Variants in STK31 observed in about 807,000 individuals in gnomAD.
STK31 encodes serine/threonine kinase 31.
STK31 carries 89 observed loss-of-function variants against 129.7 expected under a neutral mutation model. That is an observed-to-expected ratio of 0.69 (90% CI 0.58 to 0.82). STK31 has a LOEUF of 0.82. Ranked by LOEUF, STK31 falls within the 40% of genes least tolerant of loss-of-function variation. The pLI is 0.00. For synonymous variants in STK31, 448 were observed against 395.3 expected (o/e 1.13, Z -1.58); for missense variants, 1,187 against 1,176.4 (o/e 1.01, Z -0.13).
intron 22 of STK31, among the ~76,000 whole-genome samples, chr7:23,808,732 A>G (rs1025366961): frequency 9.9e-5 from 15 of 152,070 alleles, no homozygotes; most frequent in African/African-American, 3.6e-4. Flanking sequence ...GAGGAAGCAA[A>G]GGGATGACTT....
intron 8 of STK31, among the ~76,000 whole-genome samples, chr7:23,744,434 TC>T (rs1261122140): frequency 6.7e-6 from 1 of 150,012 alleles, no homozygotes. Context: ...GGATTTTTCA[TC>T]TGGAATTTCA....
rs543229580 is a variant in STK31, at chr7:23,827,942, C to T, written c.2830-4194C>T. Among the ~76,000 whole-genome samples the T allele has an allele frequency of 9.2e-5, 14 of 152,302 alleles. No homozygotes were observed. The East Asian group carries it at 1.4e-3, about 15-fold the overall frequency. On this transcript the variant is annotated intron_variant, in intron 23 of 23. Coordinates refer to ENST00000355870, the MANE Select transcript of STK31 (RefSeq NM_031414.5). ...TGAACCACAAATGCTGCTGCCTGATCGTTCCTCTGGGAGTTTTGTCTCAGA... is the reference window on the plus strand; with the variant it reads ...TGAACCACAAATGCTGCTGCCTGATTGTTCCTCTGGGAGTTTTGTCTCAGA...
intron 8 of STK31, among the ~76,000 whole-genome samples, chr7:23,747,715 G>T (rs1044683504): frequency 2.0e-5 from 3 of 152,188 alleles, no homozygotes; most frequent in East Asian, 1.9e-4. Flanking sequence ...GTCTTTCAAA[G>T]AATTAGTTCA....
chr7:23,771,308 T>A (rs550120307), intron 14 of STK31, 184 bp downstream of exon 14: 23 of 479,882 alleles, frequency 4.8e-5, no homozygotes, highest in African/African-American at 4.3e-4. Context: ...TTTTAAATAT[T>A]TTATTATGTC....
At chr7:23,723,697 GAGA>G (rs781601562) in intron 4 of STK31, among the ~76,000 whole-genome samples, 157 of 152,226 alleles carry the variant, frequency 1.0e-3, no homozygotes, top group South Asian at 1.9e-3. Flanking sequence ...GTTGTGGGAG[GAGA>G]AGATTGGGCC....
At chr7:23,727,882 A>C (rs1409013630) in intron 5 of STK31, among the ~76,000 whole-genome samples, 1 of 151,812 alleles carries the variant, frequency 6.6e-6, no homozygotes, top group Non-Finnish European at 1.5e-5. Context: ...TAATAATTAT[A>C]TTTGGTTCTT....
intron 23 of STK31, among the ~76,000 whole-genome samples, chr7:23,825,145 A>G (rs1042016198): frequency 2.1e-4 from 32 of 151,992 alleles, no homozygotes; most frequent in South Asian, 6.2e-4. Flanking sequence ...CTCTTTTTCT[A>G]TTGATTGGAA....
At chr7:23,788,269 T>A in intron 21 of STK31, 140 bp downstream of exon 21, 1 of 701,784 alleles carries the variant, frequency 1.4e-6, no homozygotes, top group Non-Finnish European at 2.0e-6. Context: ...TATAAGCAAC[T>A]ATTTGCCCTC....
chr7:23,804,363 G>GT (rs1416128386), intron 22 of STK31, among the ~76,000 whole-genome samples: 8 of 152,124 alleles, frequency 5.3e-5, no homozygotes, highest in African/African-American at 1.4e-4. Flanking sequence ...CTTTTTGGGA[G>GT]TAGCTTATCT....
chr7:23,806,617 T>A (rs1324785056), intron 22 of STK31, among the ~76,000 whole-genome samples: 2 of 152,040 alleles, frequency 1.3e-5, no homozygotes, highest in Non-Finnish European at 1.5e-5. Context: ...AGATACAGGT[T>A]GGGCCGGGCG....
At chr7:23,809,981 C>T (rs79041262) in intron 22 of STK31, among the ~76,000 whole-genome samples, 19,495 of 152,180 alleles carry the variant, frequency 0.13, 1,242 homozygotes, top group East Asian at 0.22. Context: ...TTAAACAGCA[C>T]GACTGTTGTT....
intron 23 of STK31, among the ~76,000 whole-genome samples, chr7:23,828,738 C>T (rs535881686): frequency 6.6e-6 from 1 of 152,256 alleles, no homozygotes; most frequent in East Asian, 1.9e-4. Context: ...CTTGGCTCCA[C>T]CCCCTGACTT....
At chr7:23,724,062 G>T (rs1290747856) in intron 4 of STK31, among the ~76,000 whole-genome samples, 2 of 152,148 alleles carry the variant, frequency 1.3e-5, no homozygotes, top group Non-Finnish European at 2.9e-5. Context: ...ATCAAAAGAA[G>T]CAAATGGTTA....
At chr7:23,795,761 T>A (rs1791913312) in intron 22 of STK31, among the ~76,000 whole-genome samples, 1 of 152,164 alleles carries the variant, frequency 6.6e-6, no homozygotes, top group Non-Finnish European at 1.5e-5. Context: ...TCAAAGGAGA[T>A]CATTTTGGAG....
chr7:23,723,647 C>T lies in STK31; in HGVS notation c.250-3594C>T, dbSNP rs1011358176. 3.2e-4 allele frequency among the ~76,000 whole-genome samples: 48 copies of T among 152,188 alleles called. 1 individual carries two copies. Among genetic ancestry groups the T allele is most frequent in the African/African-American group, 1.1e-3 (47 of 41,446 alleles). The stretch of plus-strand genomic sequence containing the variant: ...TAGTGATCTAAATGGTTCTCTCCCT[C>T]TGCCACCATGTAGAAGGGTCATAGG... On this transcript the variant is annotated intron_variant, in intron 4 of 23. Coordinates refer to ENST00000355870, the MANE Select transcript of STK31 (RefSeq NM_031414.5).
chr7:23,710,088 G>A (rs1584303088), upstream of STK31: 4 of 864,374 alleles, frequency 4.6e-6, no homozygotes, highest in Non-Finnish European at 7.0e-6. Context: ...GTGCCTGGGG[G>A]TCGGCAGCAG....
intron 8 of STK31, 136 bp from the exon 9 acceptor site, chr7:23,752,581 T>C (rs1005856987): frequency 3.0e-6 from 2 of 665,126 alleles, no homozygotes; most frequent in South Asian, 1.7e-5. Flanking sequence ...GCTCAAACCA[T>C]CTGTCCTCCT....
rs917680912 is a variant in STK31 at position 23,736,962 on chromosome 7, A to T, written c.901A>T (p.Lys301Ter). 6.2e-7 allele frequency: 1 copy of T among 1,613,592 alleles called. No individual in the cohort carries two copies. The highest frequency in any genetic ancestry group is 8.5e-7 in the Non-Finnish European group (1 of 1,179,870). Residue 301 changes from lysine (K) to a stop codon, truncating the protein, a stop_gained, in exon 8 of 24, where the codon AAG becomes TAG. Coordinates refer to ENST00000355870, the MANE Select transcript of STK31 (RefSeq NM_031414.5). LOFTEE classifies it high-confidence loss of function. ...LGSNVSLEKI[K>*]QDQKLIEENE... ...GTCTAACGTCAGCCTGGAAAAAATTAAGCAGGACCAGAAACTGATTGAAGA... is the reference window on the plus strand; with the variant it reads ...GTCTAACGTCAGCCTGGAAAAAATTTAGCAGGACCAGAAACTGATTGAAGA...
chr7:23,832,197 A>G lies in STK31; in HGVS notation c.2891A>G (p.Glu964Gly). 1 of 1,614,206 alleles carries G rather than the reference A, an allele frequency of 6.2e-7. No individual in the cohort carries two copies. The highest frequency in any genetic ancestry group is 8.5e-7 in the Non-Finnish European group (1 of 1,180,028). Residue 964 changes from glutamate (E) to glycine (G), a missense_variant, in exon 24 of 24, where the codon GAA becomes GGA. By Grantham distance (98) the Glu-to-Gly change is moderately conservative. This residue lies in a region of STK31 where 975 missense variants were observed against 934.9 expected (regional missense o/e 1.04). Transcript: ENST00000355870. ...TGTTATAGAAGTTCAATGACTGCTGAACAAGTTTTAAATGCTGAATGTTTC... is the reference window on the plus strand; with the variant it reads ...TGTTATAGAAGTTCAATGACTGCTGGACAAGTTTTAAATGCTGAATGTTTC... ...LICYRSSMTA[E>G]QVLNAECFLM...
Sources: allele counts gnomAD v4.1 joint callset (sites outside exome capture counted in the v4.1 genomes callset), GRCh38; gene constraint gnomAD v4.1.1; regional missense constraint gnomAD v4.1.1; transcripts MANE v1.5; gene names NCBI Gene and HGNC (gene_info 2026-07-23, HGNC 2026-07-21).